PDAP1: variants seen among roughly 807,000 people sequenced by gnomAD.
PDAP1 encodes 28 kDa heat- and acid-stable phosphoprotein.
In PDAP1, 13 loss-of-function variants were observed where a neutral mutation model predicts 28.0. The observed-to-expected ratio is 0.46, with a 90% confidence interval of 0.30 to 0.74. The LOEUF (loss-of-function observed/expected upper bound fraction) is 0.74, where lower values mean the gene tolerates loss of function less well. Among genes scored for constraint, PDAP1 ranks in the 30% least tolerant of loss-of-function variants. The probability of loss-of-function intolerance (pLI) is 0.07; values close to 1 mark genes in which losing one functional copy is unlikely to be tolerated. For synonymous variants in PDAP1, 77 were observed against 85.1 expected (o/e 0.91, Z 0.52); for missense variants, 150 against 230.0 (o/e 0.65, Z 2.25).
At chr7:99,404,796 C>T in intron 2 of PDAP1, 66 bp downstream of exon 2, 2 of 1,352,646 alleles carry the variant, frequency 1.5e-6, no homozygotes, top group South Asian at 1.2e-5. Flanking sequence ...CCTGGCCTCT[C>T]TATGAACCAA....
chr7:99,400,728 CT>C (rs1163373753), intron 3 of PDAP1, among the ~76,000 whole-genome samples: 1 of 152,192 alleles, frequency 6.6e-6, no homozygotes, highest in Non-Finnish European at 1.5e-5. Context: ...CACTACTCCC[CT>C]ACTTCAAGCT....
At position 99,403,446 on chromosome 7, in the gene PDAP1, C is replaced by T. The variant is rs1262250184; in HGVS notation, c.165G>A (p.Lys55=). ...CACTCTCATCTGAGTCTAGAGATTT[C>T]TTCTCCTTTTTGGGGTCACCTGCAG... ...DGAAGDPKKE[K]KSLDSDESED... Residue 55 remains lysine (K), a synonymous_variant, in exon 3 of 6, where the codon AAG becomes AAA. Coordinates refer to ENST00000350498, the MANE Select transcript of PDAP1 (RefSeq NM_014891.7). The T allele has an allele frequency of 6.2e-7, 1 of 1,612,480 alleles. No homozygotes were observed. Among genetic ancestry groups the T allele is most frequent in the African/African-American group, 1.3e-5 (1 of 74,874 alleles).
At position 99,394,779 on chromosome 7, in the gene PDAP1, T is replaced by TTAAAA. The variant is rs1554350911; in HGVS notation, c.*1902_*1903insTTTTA. 8 of 958,236 alleles carry TTAAAA rather than the reference T, an allele frequency of 8.3e-6. No homozygotes were observed. The South Asian group carries it at 3.2e-4, about 38-fold the overall frequency. The allele number at this position is 958,236 out of a possible 1,614,324, so 59.4% of individuals were successfully genotyped here. A position where few individuals can be genotyped will look rare whatever the true frequency, so the allele number is the denominator to read the frequency against. ...GTGGAGGTAATAAAATGCAACTGTG[T>TTAAAA]AAAAAAAAAAAAAAAAAAAAAAGTA... is the stretch of plus-strand genomic sequence containing the variant. On this transcript the variant is annotated 3_prime_UTR_variant, in exon 6 of 6. Transcript: ENST00000350498.
At position 99,396,562 on chromosome 7, in the gene PDAP1, TG is replaced by T; in HGVS notation, c.*119del. ...AAGATGAAGAGGAGGCCCCAGGCCATGGGGGGCTCCTGGCCATGAGGGGCTG... is the reference window on the plus strand; with the variant it reads ...AAGATGAAGAGGAGGCCCCAGGCCATGGGGGCTCCTGGCCATGAGGGGCTG... On this transcript the variant is annotated 3_prime_UTR_variant, in exon 6 of 6. Coordinates refer to ENST00000350498, the MANE Select transcript of PDAP1 (RefSeq NM_014891.7). The T allele has an allele frequency of 3.5e-6, 2 of 564,066 alleles. No individual in the cohort carries two copies. The highest frequency in any genetic ancestry group is 6.6e-6 in the Non-Finnish European group (2 of 304,466). 34.9% of individuals were successfully genotyped at this position (564,066 alleles called of 1,614,324 possible). A position where few individuals can be genotyped will look rare whatever the true frequency, so the allele number is the denominator to read the frequency against.
intron 3 of PDAP1, among the ~76,000 whole-genome samples, chr7:99,400,706 G>C (rs1188052984): frequency 6.6e-6 from 1 of 152,154 alleles, no homozygotes; most frequent in East Asian, 1.9e-4. Context: ...CGACTTGCAA[G>C]CACTCACACA....
At chr7:99,397,275 C>A (rs1274817144) in intron 5 of PDAP1, among the ~76,000 whole-genome samples, 1 of 152,148 alleles carries the variant, frequency 6.6e-6, no homozygotes, top group African/African-American at 2.4e-5. Context: ...GGGGCTCTCA[C>A]AGACCCCCGG....
intron 1 of PDAP1, 67 bp downstream of exon 1, chr7:99,408,469 G>C: frequency 7.6e-7 from 1 of 1,317,192 alleles, no homozygotes; most frequent in Non-Finnish European, 9.8e-7. Flanking sequence ...CACGGGCTGA[G>C]GGGACAGCGG....
At position 99,396,239 on chromosome 7, in the gene PDAP1, T is replaced by A. The variant is rs1183471312; in HGVS notation, c.*443A>T. On this transcript the variant is annotated 3_prime_UTR_variant, in exon 6 of 6. Coordinates refer to ENST00000350498, the MANE Select transcript of PDAP1 (RefSeq NM_014891.7). ...GGACCCAGGGGCACAGGCTCCCAGA[T>A]GATAGCCCCTCTCTGAATGAGCACC... 1 of 244,588 alleles carries A rather than the reference T, an allele frequency of 4.1e-6. No homozygotes were observed. The highest frequency in any genetic ancestry group is 8.2e-6 in the Non-Finnish European group (1 of 121,812). 15.2% of individuals were successfully genotyped at this position (244,588 alleles called of 1,614,324 possible).
rs1056506721 is a variant in PDAP1 at position 99,398,100 on chromosome 7, C to T, written c.336-87G>A. The T allele has an allele frequency of 3.0e-5, 45 of 1,494,526 alleles. 1 individual carries two copies. Among genetic ancestry groups the T allele is most frequent in the Non-Finnish European group, 3.9e-5 (42 of 1,085,974 alleles). The allele number at this position is 1,494,526 out of a possible 1,614,324, so 92.6% of individuals were successfully genotyped here. On this transcript the variant is annotated intron_variant, in intron 4 of 5. Transcript: ENST00000350498. ...GGAGTCAGAATAAAGGCCAAGGATTCGGCCTAGGGCCGAGGTGGAAGGGGT... is the reference window on the plus strand; with the variant it reads ...GGAGTCAGAATAAAGGCCAAGGATTTGGCCTAGGGCCGAGGTGGAAGGGGT...
rs1794763639 is a variant in PDAP1, at chr7:99,396,500, C to A, written c.*182G>T. 2.2e-6 allele frequency: 1 copy of A among 456,116 alleles called. No individual in the cohort carries two copies. The highest frequency in any genetic ancestry group is 3.7e-5 in the African/African-American group (1 of 26,934). The allele number at this position is 456,116 out of a possible 1,614,324, so 28.3% of individuals were successfully genotyped here. ...TCAAAGATAGCAGCTACCCCTCCCC[C>A]AGTCCCCCCCCCCATCCCCCAAACA... On this transcript the variant is annotated 3_prime_UTR_variant, in exon 6 of 6. Coordinates refer to ENST00000350498, the MANE Select transcript of PDAP1 (RefSeq NM_014891.7).
intron 1 of PDAP1, 65 bp from the exon 2 acceptor site, chr7:99,405,018 C>A: frequency 8.2e-7 from 1 of 1,219,570 alleles, no homozygotes; most frequent in Non-Finnish European, 1.2e-6. Context: ...CCCCAGAGGG[C>A]TGTGTCCTGC....
chr7:99,398,322 G>A (rs930534581), intron 4 of PDAP1, among the ~76,000 whole-genome samples: 4 of 152,352 alleles, frequency 2.6e-5, no homozygotes, highest in South Asian at 2.1e-4. Flanking sequence ...GGCGGCCATG[G>A]AGAGAAGGGG....
At position 99,394,702 on chromosome 7, in the gene PDAP1, A is replaced by AC; in HGVS notation, c.*1979_*1980insG. 7.5e-7 allele frequency: 1 copy of AC among 1,336,734 alleles called. No homozygotes were observed. Among genetic ancestry groups the AC allele is most frequent in the South Asian group, 2.2e-5 (1 of 46,284 alleles). The allele number at this position is 1,336,734 out of a possible 1,614,324, so 82.8% of individuals were successfully genotyped here. On this transcript the variant is annotated 3_prime_UTR_variant, in exon 6 of 6. Transcript: ENST00000350498. ...TCTTAAATGCTTTCATTTATTGAAA[A>AC]AAAAAAAAAATGCCCCCAAAGCACT... is the stretch of plus-strand genomic sequence containing the variant.
At chr7:99,399,495 C>A (rs1794825177) in intron 4 of PDAP1, among the ~76,000 whole-genome samples, 1 of 152,176 alleles carries the variant, frequency 6.6e-6, no homozygotes, top group South Asian at 2.1e-4. Context: ...GAAGGCTGCA[C>A]AGCTGCCAAT....
At position 99,396,310 on chromosome 7, in the gene PDAP1, T is replaced by C. The variant is rs568157614; in HGVS notation, c.*372A>G. The C allele has an allele frequency of 8.8e-6, 3 of 339,270 alleles. No individual in the cohort carries two copies. Among genetic ancestry groups the C allele is most frequent in the Non-Finnish European group, 1.7e-5 (3 of 175,584 alleles). 21.0% of individuals were successfully genotyped at this position (339,270 alleles called of 1,614,324 possible). On this transcript the variant is annotated 3_prime_UTR_variant, in exon 6 of 6. Coordinates refer to ENST00000350498, the MANE Select transcript of PDAP1 (RefSeq NM_014891.7). The stretch of plus-strand genomic sequence containing the variant: ...TGTGTGTAGCAAACCTGTCAGCAGC[T>C]GCCTCCTGGGACAACCACCCCCTTA...
intron 2 of PDAP1, among the ~76,000 whole-genome samples, chr7:99,404,541 G>A (rs1794934878): frequency 6.6e-6 from 1 of 152,120 alleles, no homozygotes; most frequent in African/African-American, 2.4e-5. Flanking sequence ...CAGGGGTGCT[G>A]GGAGCTCGAG....
intron 3 of PDAP1, among the ~76,000 whole-genome samples, chr7:99,402,742 C>T (rs1047157427): frequency 2.6e-5 from 4 of 151,490 alleles, no homozygotes; most frequent in African/African-American, 7.3e-5. Flanking sequence ...ATTAGCCCGG[C>T]GTGGTGGCAG....
At chr7:99,406,888 TGTCTAA>T (rs1479437656) in intron 1 of PDAP1, among the ~76,000 whole-genome samples, 26 of 152,152 alleles carry the variant, frequency 1.7e-4, no homozygotes, top group Admixed American at 1.7e-3. Context: ...TTCCCAGGGG[TGTCTAA>T]GTCTATGCTT....
chr7:99,402,634 G>A, intron 3 of PDAP1, among the ~76,000 whole-genome samples: 1 of 147,026 alleles, frequency 6.8e-6, no homozygotes, highest in East Asian at 2.0e-4. Flanking sequence ...TATAATCCCA[G>A]TACTTTGGGA....
Sources: gnomAD v4.1 joint callset for allele counts (sites outside exome capture counted in the v4.1 genomes callset) on GRCh38, gnomAD v4.1.1 for gene constraint, MANE v1.5 for transcripts, NCBI Gene and HGNC (gene_info 2026-07-23, HGNC 2026-07-21) for gene names.